Variants in TNR observed in about 807,000 individuals in gnomAD.
TNR encodes tenascin-R.
TNR carries 45 observed loss-of-function variants against 150.4 expected under a neutral mutation model. The observed-to-expected ratio is 0.30, with a 90% confidence interval of 0.24 to 0.38. The LOEUF (loss-of-function observed/expected upper bound fraction) is 0.38, where lower values mean the gene tolerates loss of function less well. Among genes scored for constraint, TNR ranks in the 10% least tolerant of loss-of-function variants. The probability of loss-of-function intolerance (pLI) is 1.00; values close to 1 mark genes in which losing one functional copy is unlikely to be tolerated. For missense variants in TNR, 1,544 were observed against 1,759.1 expected (o/e 0.88, Z 2.19); for synonymous variants, 687 against 678.4 (o/e 1.01, Z -0.20).
At chr1:175,653,758 T>C (rs956630128) in intron 1 of TNR, among the ~76,000 whole-genome samples, 14 of 152,230 alleles carry the variant, frequency 9.2e-5, no homozygotes, top group Non-Finnish European at 4.4e-5. Flanking sequence ...ACAGTCAGAT[T>C]TGTTATTCAC....
At chr1:175,628,243 A>G (rs1664215130) in intron 1 of TNR, among the ~76,000 whole-genome samples, 1 of 152,168 alleles carries the variant, frequency 6.6e-6, no homozygotes, top group Non-Finnish European at 1.5e-5. Flanking sequence ...CCAGGGTATC[A>G]AGTCCCAGAG....
chr1:175,447,457 G>A (rs1429685527), intron 2 of TNR, among the ~76,000 whole-genome samples: 2 of 152,168 alleles, frequency 1.3e-5, no homozygotes, highest in African/African-American at 4.8e-5. Flanking sequence ...CCCGGCCCTT[G>A]TTTATGGCTA....
At chr1:175,562,336 G>T (rs1357184133) in intron 1 of TNR, among the ~76,000 whole-genome samples, 1 of 152,160 alleles carries the variant, frequency 6.6e-6, no homozygotes, top group Non-Finnish European at 1.5e-5. Flanking sequence ...GCTCAACTCA[G>T]ACACATTTAT....
intron 2 of TNR, among the ~76,000 whole-genome samples, chr1:175,485,065 C>T (rs1657953623): frequency 1.3e-5 from 2 of 152,158 alleles, no homozygotes; most frequent in South Asian, 4.1e-4. Flanking sequence ...TTTTATTCAG[C>T]TAAGACAAAT....
chr1:175,431,593 CCA>C (rs1284888392), intron 2 of TNR, among the ~76,000 whole-genome samples: 1 of 152,022 alleles, frequency 6.6e-6, no homozygotes, highest in East Asian at 1.9e-4. Flanking sequence ...GGAGTGGGCA[CCA>C]TTTCTCCTAG....
Position 175,657,883 on chromosome 1 carries a change from A to ATATATATATATATGTG in TNR, c.-165+85342_-165+85343insCACATATATATATATA, listed in dbSNP as rs1464419575. ...TATATATATATATATATATATATAT[A>ATATATATATATATGTG]TGTAACAAACCTGCACGTTGTGCAC... is the stretch of plus-strand genomic sequence containing the variant. On this transcript the variant is annotated intron_variant, in intron 1 of 22. Coordinates refer to ENST00000367674, the MANE Select transcript of TNR (RefSeq NM_003285.3). Among the ~76,000 whole-genome samples, 508 of 101,066 alleles carry ATATATATATATATGTG rather than the reference A, an allele frequency of 5.0e-3. 25 individuals carry two copies. The highest frequency in any genetic ancestry group is 0.018 in the East Asian group (75 of 4,172). The allele number at this position is 101,066 out of a possible 152,430, so 66.3% of individuals were successfully genotyped here.
At position 175,583,564 on chromosome 1, in the gene TNR, G is replaced by A. The variant is rs375396292; in HGVS notation, c.-164-55195C>T. ...CTAGCAGGTCTAAGAAAGCTCATGG[G>A]ACAGAAGAGGAGGGCACTGGGAGAC... On this transcript the variant is annotated intron_variant, in intron 1 of 22. Transcript: ENST00000367674. Among the ~76,000 whole-genome samples, 6 of 152,314 alleles carry A rather than the reference G, an allele frequency of 3.9e-5. No homozygotes were observed. The East Asian group carries it at 1.2e-3, about 29-fold the overall frequency.
chr1:175,400,889 T>G (rs935708607), intron 4 of TNR, among the ~76,000 whole-genome samples: 16 of 152,216 alleles, frequency 1.1e-4, no homozygotes, highest in Non-Finnish European at 1.8e-4. Flanking sequence ...GATACTTCTC[T>G]GGAAGAGACC....
chr1:175,494,403 G>A (rs1658391766), intron 2 of TNR, among the ~76,000 whole-genome samples: 2 of 152,256 alleles, frequency 1.3e-5, no homozygotes, highest in African/African-American at 2.4e-5. Context: ...CAACTCTGCA[G>A]CAGTAGAGTG....
chr1:175,331,749 C>A (rs1199925731), intron 20 of TNR, among the ~76,000 whole-genome samples: 1 of 152,158 alleles, frequency 6.6e-6, no homozygotes, highest in Non-Finnish European at 1.5e-5. Context: ...CATCTGATCT[C>A]TACTTGAGTA....
At chr1:175,639,674 C>T (rs1037049909) in intron 1 of TNR, among the ~76,000 whole-genome samples, 1 of 152,180 alleles carries the variant, frequency 6.6e-6, no homozygotes, top group Non-Finnish European at 1.5e-5. Flanking sequence ...TCATAATCTA[C>T]AAGACCTTTC....
At chr1:175,570,996 A>G (rs543281400) in intron 1 of TNR, among the ~76,000 whole-genome samples, 6 of 152,170 alleles carry the variant, frequency 3.9e-5, no homozygotes, top group Non-Finnish European at 5.9e-5. Context: ...GATGTCATTT[A>G]CTGTCTTCCA....
At chr1:175,525,151 C>A (rs1659801383) in intron 2 of TNR, among the ~76,000 whole-genome samples, 1 of 152,194 alleles carries the variant, frequency 6.6e-6, no homozygotes, top group African/African-American at 2.4e-5. Context: ...TTATAAGGGG[C>A]TTTTCCCTTT....
chr1:175,724,591 C>T (rs1226807156), intron 1 of TNR, among the ~76,000 whole-genome samples: 2 of 152,134 alleles, frequency 1.3e-5, no homozygotes, highest in African/African-American at 2.4e-5. Context: ...TAGTAATGAT[C>T]TATTCCTTGA....
At chr1:175,394,653 C>A (rs904514536) in intron 5 of TNR, among the ~76,000 whole-genome samples, 6 of 152,182 alleles carry the variant, frequency 3.9e-5, no homozygotes, top group Admixed American at 3.3e-4. Context: ...CTCCAGGAAG[C>A]CTGCTCCCAT....
rs1663170618 is a variant in TNR, at chr1:175,599,949, A to G, written c.-164-71580T>C. ...TTCTACAGGAGGGAGGAAAAGAGTG[A>G]GCCATATGATAGAGTAAAATCCCTT... On this transcript the variant is annotated intron_variant, in intron 1 of 22. Transcript: ENST00000367674. This position sits in a 1 kb window ranked among gnomAD's most constrained non-coding sequence, Gnocchi z 4.7. Among the ~76,000 whole-genome samples the G allele has an allele frequency of 6.6e-6, 1 of 152,180 alleles. No individual in the cohort carries two copies. The highest frequency in any genetic ancestry group is 1.5e-5 in the Non-Finnish European group (1 of 68,028).
At chr1:175,557,386 G>A (rs1661204814) in intron 1 of TNR, among the ~76,000 whole-genome samples, 1 of 152,208 alleles carries the variant, frequency 6.6e-6, no homozygotes, top group African/African-American at 2.4e-5. Context: ...CATACTTGAA[G>A]CACTCAACAA....
At chr1:175,529,668 C>T (rs1659988256) in intron 1 of TNR, among the ~76,000 whole-genome samples, 1 of 152,206 alleles carries the variant, frequency 6.6e-6, no homozygotes, top group South Asian at 2.1e-4. Flanking sequence ...TAGATGGTAG[C>T]TGCCCACAGA....
At chr1:175,558,967 G>A (rs1016019879) in intron 1 of TNR, among the ~76,000 whole-genome samples, 1 of 152,182 alleles carries the variant, frequency 6.6e-6, no homozygotes, top group Non-Finnish European at 1.5e-5. Context: ...TAACATATGT[G>A]CCACTCTGGT....
Sources: gnomAD v4.1 joint callset for allele counts (sites outside exome capture counted in the v4.1 genomes callset) on GRCh38, gnomAD v4.1.1 for gene constraint, Gnocchi (gnomAD v3.1) non-coding constraint, MANE v1.5 for transcripts, NCBI Gene and HGNC (gene_info 2026-07-23, HGNC 2026-07-21) for gene names.